ACADM: variants seen among roughly 807,000 people sequenced by gnomAD.
ACADM encodes the protein medium-chain specific acyl-CoA dehydrogenase, mitochondrial.
ACADM carries 49 observed loss-of-function variants against 58.9 expected under a neutral mutation model. The ratio of observed to expected loss-of-function variants is 0.83; its 90% CI spans 0.66 to 1.06. ACADM has a LOEUF of 1.06. Among genes scored for constraint, ACADM ranks in the 50% least tolerant of loss-of-function variants. ACADM has a pLI of 0.00. For synonymous variants in ACADM, 160 were observed against 157.7 expected, an observed-to-expected ratio of 1.01 and a Z score of -0.11; for missense variants, 496 against 507.0, an observed-to-expected ratio of 0.98 and a Z score of 0.21.
intron 10 of ACADM, among the ~76,000 whole-genome samples, chr1:75,752,417 C>T (rs1648258648): frequency 6.6e-6 from 1 of 152,170 alleles, no homozygotes; most frequent in South Asian, 2.1e-4. Flanking sequence ...ATCTTCTGTA[C>T]CATCAACCAG....
At chr1:75,738,659 G>T (rs2100385766) in intron 6 of ACADM, among the ~76,000 whole-genome samples, 1 of 152,242 alleles carries the variant, frequency 6.6e-6, no homozygotes, top group East Asian at 1.9e-4. Context: ...TGACCAGGCT[G>T]GTCTTGAACT....
At chr1:75,740,729 T>TA in intron 7 of ACADM, among the ~76,000 whole-genome samples, 1 of 152,162 alleles carries the variant, frequency 6.6e-6, no homozygotes, top group Middle Eastern at 3.2e-3. Context: ...TATGAGCCTT[T>TA]AAAAAGCCAA....
chr1:75,735,876 A>G (rs1283061572), intron 6 of ACADM, among the ~76,000 whole-genome samples: 3 of 151,174 alleles, frequency 2.0e-5, no homozygotes, highest in Non-Finnish European at 4.4e-5. Flanking sequence ...TGGGCTGGGC[A>G]TAGTGGCTCA....
chr1:75,749,292 G>T (rs1333600041), intron 8 of ACADM, 127 bp from the exon 9 acceptor site: 6 of 881,356 alleles, frequency 6.8e-6, no homozygotes, highest in South Asian at 1.5e-5. Flanking sequence ...TGCAAAACAG[G>T]CATTGCAGAC....
chr1:75,725,600 C>G (rs1214922528), intron 1 of ACADM, among the ~76,000 whole-genome samples: 2 of 152,122 alleles, frequency 1.3e-5, no homozygotes, highest in African/African-American at 2.4e-5. Context: ...TAAAAAAAAC[C>G]TGATATAGAA....
chr1:75,746,773 A>AT (rs1172327441), intron 8 of ACADM, among the ~76,000 whole-genome samples: 2 of 151,522 alleles, frequency 1.3e-5, no homozygotes, highest in Admixed American at 6.6e-5. Flanking sequence ...TAATTTTTGT[A>AT]TTTTTTGTAG....
At chr1:75,752,979 T>C (rs534702692) in intron 10 of ACADM, among the ~76,000 whole-genome samples, 1 of 152,314 alleles carries the variant, frequency 6.6e-6, no homozygotes, top group South Asian at 2.1e-4. Context: ...TTTCTTGACT[T>C]GGAGAATCCT....
intron 7 of ACADM, chr1:75,744,793 G>C (rs1026981164): frequency 3.5e-6 from 2 of 568,806 alleles, no homozygotes; most frequent in African/African-American, 3.8e-5. Flanking sequence ...CCGGGTCTCC[G>C]TTTTATATTA....
intron 1 of ACADM, among the ~76,000 whole-genome samples, chr1:75,725,765 T>G (rs927800902): frequency 6.6e-6 from 1 of 152,252 alleles, no homozygotes; most frequent in East Asian, 1.9e-4. Context: ...CCAATAGTTA[T>G]ATAGCATTAG....
intron 1 of ACADM, among the ~76,000 whole-genome samples, chr1:75,728,047 C>G (rs924286703): frequency 2.0e-5 from 3 of 152,106 alleles, no homozygotes; most frequent in African/African-American, 4.8e-5. Context: ...TCGTTCTCCC[C>G]ACCCCAACTC....
At chr1:75,757,697 C>T (rs1462191203) in intron 10 of ACADM, among the ~76,000 whole-genome samples, 3 of 152,172 alleles carry the variant, frequency 2.0e-5, no homozygotes, top group African/African-American at 7.2e-5. Context: ...CCAGCAATCC[C>T]ATTGCTGGGT....
rs1046935952 is a variant in ACADM, at chr1:75,738,019, C to T, written c.469-1961C>T. 1.1e-4 allele frequency among the ~76,000 whole-genome samples: 16 copies of T among 152,084 alleles called. No individual in the cohort carries two copies. The East Asian group carries it at 2.5e-3, about 24-fold the overall frequency. On this transcript the variant is annotated intron_variant, in intron 6 of 11. Transcript: ENST00000370841. ...GCAACCTCTGCCTCCCAGGTTCAAG[C>T]GATTCTCCTGCCTCAGCCTCCCAAG...
intron 2 of ACADM, among the ~76,000 whole-genome samples, chr1:75,730,620 G>T (rs1410418981): frequency 6.6e-6 from 1 of 151,358 alleles, no homozygotes. Flanking sequence ...GGGCTCCATG[G>T]ATTCTCTCGC....
intron 2 of ACADM, among the ~76,000 whole-genome samples, chr1:75,732,118 C>T (rs1054089762): frequency 6.6e-6 from 1 of 151,594 alleles, no homozygotes. Context: ...CACCACTGCA[C>T]TCCAGCCTGA....
At chr1:75,741,219 A>T (rs886122955) in intron 7 of ACADM, among the ~76,000 whole-genome samples, 4 of 152,178 alleles carry the variant, frequency 2.6e-5, no homozygotes, top group Non-Finnish European at 5.9e-5. Context: ...TTTGTGTGCC[A>T]TATACTACAG....
rs371418479 is a variant in ACADM at position 75,724,719 on chromosome 1, C to A, written c.-69C>A. 7 of 1,531,130 alleles carry A rather than the reference C, an allele frequency of 4.6e-6. No homozygotes were observed. The highest frequency in any genetic ancestry group is 4.0e-5 in the Admixed American group (2 of 50,478). The allele number at this position is 1,531,130 out of a possible 1,614,324, so 94.8% of individuals were successfully genotyped here. On this transcript the variant is annotated 5_prime_UTR_variant, in exon 1 of 12. Transcript: ENST00000370841. ...CCAGTGGGCGGGACCAGAGGAGTCC[C>A]GCGTTCGGGGAGTATGTCAAGGCCG...
intron 7 of ACADM, chr1:75,743,812 GCCA>G: frequency 6.8e-7 from 1 of 1,466,532 alleles, no homozygotes; most frequent in Admixed American, 1.7e-5. Context: ...CTGTGGGGTG[GCCA>G]CTGCAACACT....
chr1:75,734,186 C>T (rs1463861880), intron 5 of ACADM, among the ~76,000 whole-genome samples: 12 of 123,644 alleles, frequency 9.7e-5, no homozygotes, highest in African/African-American at 2.0e-4. Context: ...TTTTTTGAGA[C>T]GGAGTCTCAC....
chr1:75,737,327 T>TATATATATATATGA (rs1491168235), intron 6 of ACADM, among the ~76,000 whole-genome samples: 14 of 76,680 alleles, frequency 1.8e-4, no homozygotes, highest in African/African-American at 6.4e-4. Flanking sequence ...TATATATATA[T>TATATATATATATGA]GAAACCAAAA....
Sources: allele counts gnomAD v4.1 joint callset (sites outside exome capture counted in the v4.1 genomes callset), GRCh38; gene constraint gnomAD v4.1.1; transcripts MANE v1.5; gene names NCBI Gene and HGNC (gene_info 2026-07-23, HGNC 2026-07-21).